Variants in GKAP1 observed in about 807,000 individuals in gnomAD.
GKAP1 encodes G kinase anchoring protein 1.
GKAP1 carries 31 observed loss-of-function variants against 56.7 expected under a neutral mutation model. The ratio of observed to expected loss-of-function variants is 0.55; its 90% CI spans 0.41 to 0.74. GKAP1 has a LOEUF of 0.74. GKAP1 is among the 30% of genes least tolerant of loss of function. The probability of loss-of-function intolerance (pLI) is 0.00; values close to 1 mark genes in which losing one functional copy is unlikely to be tolerated. For missense variants in GKAP1, 364 were observed against 402.3 expected (o/e 0.90, Z 0.82); for synonymous variants, 151 against 138.6 (o/e 1.09, Z -0.63).
rs759009975 is a variant in GKAP1, at chr9:83,748,381, C to A, written c.841-9G>T. 4 of 1,483,024 alleles carry A rather than the reference C, an allele frequency of 2.7e-6. No individual in the cohort carries two copies. The highest frequency in any genetic ancestry group is 2.0e-5 in the Admixed American group (1 of 49,358). The allele number at this position is 1,483,024 out of a possible 1,614,324, so 91.9% of individuals were successfully genotyped here. A position where few individuals can be genotyped will look rare whatever the true frequency, so the allele number is the denominator to read the frequency against. On this transcript the variant is annotated splice_polypyrimidine_tract_variant and intron_variant, in intron 9 of 12. Coordinates refer to ENST00000376371, the MANE Select transcript of GKAP1 (RefSeq NM_025211.4). The stretch of plus-strand genomic sequence containing the variant: ...ACTTCCTTATACTTTGCCTAATAGT[C>A]AAAGAAAAAAGATTTAGTTTTTTTA...
chr9:83,747,910 T>C lies in GKAP1; in HGVS notation c.904+399A>G, dbSNP rs191684800. On this transcript the variant is annotated intron_variant, in intron 10 of 12. Coordinates refer to ENST00000376371, the MANE Select transcript of GKAP1 (RefSeq NM_025211.4). Reference sequence around the variant, plus strand: ...CCTTGGCCTCCCAAAGTGCTAGGATTACAGGTGAGCCACCATGCTTGGCCA... The same window carrying C: ...CCTTGGCCTCCCAAAGTGCTAGGATCACAGGTGAGCCACCATGCTTGGCCA... 3.8e-3 allele frequency among the ~76,000 whole-genome samples: 573 copies of C among 152,290 alleles called. 3 individuals are homozygous for C. Among genetic ancestry groups the C allele is most frequent in the South Asian group, 0.013 (63 of 4,826 alleles).
intron 7 of GKAP1, among the ~76,000 whole-genome samples, chr9:83,775,705 G>GT (rs924806026): frequency 1.3e-5 from 2 of 151,296 alleles, no homozygotes; most frequent in African/African-American, 4.9e-5. Flanking sequence ...GTGAAACCCC[G>GT]TCTCTAATAA....
At chr9:83,811,025 T>G (rs2131328642) in intron 2 of GKAP1, among the ~76,000 whole-genome samples, 1 of 152,284 alleles carries the variant, frequency 6.6e-6, no homozygotes, top group Non-Finnish European at 1.5e-5. Flanking sequence ...AAAGGTACAA[T>G]AAAAATACCA....
At chr9:83,815,596 A>G (rs1439121886) in intron 2 of GKAP1, among the ~76,000 whole-genome samples, 1 of 152,092 alleles carries the variant, frequency 6.6e-6, no homozygotes, top group Admixed American at 6.6e-5. Context: ...ACACACACAC[A>G]CAATTATACA....
rs1943937570 is a variant in GKAP1, at chr9:83,779,618, C to CACATATATAT, written c.585+763_585+764insATATATATGT. Among the ~76,000 whole-genome samples the CACATATATAT allele has an allele frequency of 1.6e-4, 22 of 141,180 alleles. 1 individual carries two copies. Among genetic ancestry groups the CACATATATAT allele is most frequent in the African/African-American group, 5.5e-4 (20 of 36,528 alleles). The allele number at this position is 141,180 out of a possible 152,430, so 92.6% of individuals were successfully genotyped here. A position where few individuals can be genotyped will look rare whatever the true frequency, so the allele number is the denominator to read the frequency against. On this transcript the variant is annotated intron_variant, in intron 7 of 12. Transcript: ENST00000376371. ...GTGTATATATATACACATATACACA[C>CACATATATAT]ACACACACACACACACACACACATT... is the stretch of plus-strand genomic sequence containing the variant.
intron 4 of GKAP1, among the ~76,000 whole-genome samples, chr9:83,795,156 C>CAAAA (rs1031439217): frequency 3.1e-5 from 2 of 64,460 alleles, no homozygotes; most frequent in Non-Finnish European, 5.9e-5. Flanking sequence ...GACTCCATCT[C>CAAAA]AAAAAAAAAA....
At chr9:83,795,470 T>A (rs1200165645) in intron 4 of GKAP1, among the ~76,000 whole-genome samples, 3 of 152,164 alleles carry the variant, frequency 2.0e-5, no homozygotes, top group Non-Finnish European at 4.4e-5. Flanking sequence ...GTGTTTTTTT[T>A]ATTGTTTGTG....
intron 4 of GKAP1, among the ~76,000 whole-genome samples, chr9:83,792,518 T>C (rs1016600415): frequency 6.6e-6 from 1 of 152,118 alleles, no homozygotes; most frequent in African/African-American, 2.4e-5. Flanking sequence ...AAGAAGAGAC[T>C]GATCAAGTTT....
At chr9:83,761,585 C>T (rs1943571873) in intron 8 of GKAP1, among the ~76,000 whole-genome samples, 1 of 151,026 alleles carries the variant, frequency 6.6e-6, no homozygotes, top group Non-Finnish European at 1.5e-5. Flanking sequence ...TACCCTGATA[C>T]CAAAACCGGA....
At chr9:83,765,889 C>T (rs908185009) in intron 8 of GKAP1, among the ~76,000 whole-genome samples, 2 of 152,170 alleles carry the variant, frequency 1.3e-5, no homozygotes, top group Non-Finnish European at 2.9e-5. Context: ...AAACTTTAGA[C>T]TTGGACTTCT....
rs993256437 is a variant in GKAP1 at position 83,741,976 on chromosome 9, T to C, written c.1029A>G (p.Leu343=). Residue 343 remains leucine (L), a synonymous_variant, in exon 12 of 13, where the codon TTA becomes TTG. Transcript: ENST00000376371. ...LEQERSKVKV[L]QAELAKYQGG... ...CCTGGTATTTGGCTAACTCTGCTTG[T>C]AATACTTTCACTTTAGATCTTTCTT... 1.7e-5 allele frequency: 27 copies of C among 1,593,026 alleles called. No individual in the cohort carries two copies. The highest frequency in any genetic ancestry group is 2.2e-5 in the Non-Finnish European group (26 of 1,171,074).
chr9:83,768,078 A>C (rs80107422), intron 8 of GKAP1, among the ~76,000 whole-genome samples: 2,560 of 152,290 alleles, frequency 0.017, 65 homozygotes, highest in African/African-American at 0.059. Context: ...GATTTGATTC[A>C]TGGGCTATAG....
intron 5 of GKAP1, among the ~76,000 whole-genome samples, chr9:83,788,344 C>A (rs1207542496): frequency 1.3e-5 from 2 of 152,154 alleles, no homozygotes; most frequent in Non-Finnish European, 1.5e-5. Flanking sequence ...TTTATTCTCT[C>A]TCTTCCCTTC....
At chr9:83,793,085 A>G in intron 4 of GKAP1, 1 of 747,980 alleles carries the variant, frequency 1.3e-6, no homozygotes, top group Non-Finnish European at 1.9e-6. Context: ...GAGTATGAAG[A>G]ACCAATGAAA....
intron 2 of GKAP1, among the ~76,000 whole-genome samples, chr9:83,815,066 G>A (rs192006812): frequency 6.6e-5 from 10 of 152,238 alleles, no homozygotes; most frequent in African/African-American, 2.4e-4. Flanking sequence ...CAGCTACTCG[G>A]GAGGCTGAGG....
At chr9:83,747,936 A>G (rs543900984) in intron 10 of GKAP1, among the ~76,000 whole-genome samples, 68 of 152,132 alleles carry the variant, frequency 4.5e-4, no homozygotes, top group African/African-American at 1.4e-3. Flanking sequence ...TGCTTGGCCA[A>G]CTATGTAGCT....
intron 7 of GKAP1, among the ~76,000 whole-genome samples, chr9:83,778,981 AT>A (rs1014158392): frequency 1.3e-5 from 2 of 152,152 alleles, no homozygotes; most frequent in African/African-American, 4.8e-5. Context: ...GTCAGTTTGC[AT>A]TTTTTGTCTT....
intron 4 of GKAP1, among the ~76,000 whole-genome samples, chr9:83,797,685 T>A (rs1944270144): frequency 7.9e-6 from 1 of 126,196 alleles, no homozygotes; most frequent in African/African-American, 2.5e-5. Flanking sequence ...TATTTCCTTT[T>A]CATCATTACC....
chr9:83,803,781 C>A (rs1183493658), intron 3 of GKAP1, among the ~76,000 whole-genome samples: 2 of 150,478 alleles, frequency 1.3e-5, no homozygotes, highest in African/African-American at 4.9e-5. Context: ...CGTCTCTGCC[C>A]GGCCGCCATC....
Sources: allele counts gnomAD v4.1 joint callset (sites outside exome capture counted in the v4.1 genomes callset), GRCh38; gene constraint gnomAD v4.1.1; transcripts MANE v1.5; gene names NCBI Gene and HGNC (gene_info 2026-07-23, HGNC 2026-07-21).